GPC5: variants seen among roughly 807,000 people sequenced by gnomAD.
The protein encoded by GPC5 is glypican 5.
GPC5 carries 47 observed loss-of-function variants against 53.9 expected under a neutral mutation model. That is an observed-to-expected ratio of 0.87 (90% CI 0.69 to 1.11). The LOEUF (loss-of-function observed/expected upper bound fraction) is 1.11, where lower values mean the gene tolerates loss of function less well. Among genes scored for constraint, GPC5 ranks in the 50% most tolerant of loss-of-function variants. GPC5 has a pLI of 0.00. For missense variants in GPC5, 748 were observed against 713.1 expected (o/e 1.05, Z -0.56); for synonymous variants, 286 against 263.3 (o/e 1.09, Z -0.84).
intron 5 of GPC5, among the ~76,000 whole-genome samples, chr13:91,757,886 CA>C (rs933778439): frequency 7.2e-5 from 11 of 152,116 alleles, no homozygotes; most frequent in Non-Finnish European, 1.5e-4. Flanking sequence ...CTATGATAAA[CA>C]TATACTATAA....
intron 6 of GPC5, among the ~76,000 whole-genome samples, chr13:92,102,735 T>C (rs746764751): frequency 3.3e-5 from 5 of 152,184 alleles, no homozygotes; most frequent in East Asian, 1.9e-4. Flanking sequence ...ACTGTATATA[T>C]GTAGATGTTA....
At chr13:92,853,286 CAGAG>C (rs937157206) in intron 7 of GPC5, among the ~76,000 whole-genome samples, 8 of 152,026 alleles carry the variant, frequency 5.3e-5, no homozygotes, top group South Asian at 2.1e-4. Context: ...GAGGTATTTT[CAGAG>C]AGAGAGAGTC....
At position 92,216,080 on chromosome 13, in the gene GPC5, CA is replaced by C. The variant is rs774771259; in HGVS notation, c.1561+71092del. Among the ~76,000 whole-genome samples, 21 of 152,238 alleles carry C rather than the reference CA, an allele frequency of 1.4e-4. 1 individual carries two copies. The Middle Eastern group carries it at 0.014, about 99-fold the overall frequency. On this transcript the variant is annotated intron_variant, in intron 7 of 7. Transcript: ENST00000377067. ...CCTAAGGCAGTTTTAAGCTAAAGGA[CA>C]GAAAAACATCATTCCTGAGATACAG...
At chr13:92,449,111 C>G (rs1455671582) in intron 7 of GPC5, 1 of 151,780 alleles carries the variant, frequency 6.6e-6, no homozygotes, top group Non-Finnish European at 1.5e-5. Context: ...GGAAATCCTC[C>G]TAAGGTTTTC....
chr13:92,001,097 C>A (rs563581881), intron 6 of GPC5, among the ~76,000 whole-genome samples: 1 of 152,258 alleles, frequency 6.6e-6, no homozygotes, highest in East Asian at 1.9e-4. Flanking sequence ...TCATGTTCAG[C>A]ATTGTGGTTC....
intron 6 of GPC5, among the ~76,000 whole-genome samples, chr13:91,949,029 A>T (rs964230875): frequency 2.0e-5 from 3 of 152,174 alleles, no homozygotes; most frequent in African/African-American, 7.2e-5. Context: ...ACAGATGATT[A>T]CCAGGTAGTC....
At chr13:91,477,343 G>A (rs1431685799) in intron 2 of GPC5, among the ~76,000 whole-genome samples, 1 of 152,074 alleles carries the variant, frequency 6.6e-6, no homozygotes, top group East Asian at 1.9e-4. Flanking sequence ...GTTTTCAGCG[G>A]TATTACTGGG....
At chr13:92,288,731 CA>C (rs1284007773) in intron 7 of GPC5, among the ~76,000 whole-genome samples, 1 of 152,056 alleles carries the variant, frequency 6.6e-6, no homozygotes, top group Non-Finnish European at 1.5e-5. Flanking sequence ...ACCATTCTGC[CA>C]AAACACTTTT....
chr13:92,643,573 T>C (rs1217403429), intron 7 of GPC5, among the ~76,000 whole-genome samples: 1 of 142,278 alleles, frequency 7.0e-6, no homozygotes, highest in Non-Finnish European at 1.5e-5. Flanking sequence ...TCATGTCCTT[T>C]GTAGGGACAT....
At chr13:91,824,532 T>C (rs2038546038) in intron 5 of GPC5, among the ~76,000 whole-genome samples, 1 of 152,140 alleles carries the variant, frequency 6.6e-6, no homozygotes, top group East Asian at 1.9e-4. Flanking sequence ...TGGTTTATGA[T>C]TTTGGATAAG....
At chr13:92,069,974 T>A (rs2041197639) in intron 6 of GPC5, among the ~76,000 whole-genome samples, 1 of 152,164 alleles carries the variant, frequency 6.6e-6, no homozygotes, top group Admixed American at 6.5e-5. Flanking sequence ...GTTGGAATCA[T>A]GAATCATATT....
intron 7 of GPC5, among the ~76,000 whole-genome samples, chr13:92,575,411 G>A (rs997064017): frequency 1.3e-5 from 2 of 152,132 alleles, no homozygotes; most frequent in Non-Finnish European, 2.9e-5. Flanking sequence ...GAGTTATGCA[G>A]CCACAAGCGA....
intron 2 of GPC5, among the ~76,000 whole-genome samples, chr13:91,633,389 C>T (rs1161154455): frequency 6.6e-6 from 1 of 152,034 alleles, no homozygotes; most frequent in Non-Finnish European, 1.5e-5. Flanking sequence ...TCTAGGAATG[C>T]CATTTTTCCT....
At chr13:92,062,476 T>C (rs1022374356) in intron 6 of GPC5, among the ~76,000 whole-genome samples, 2 of 152,020 alleles carry the variant, frequency 1.3e-5, no homozygotes, top group Non-Finnish European at 2.9e-5. Flanking sequence ...TCATCTTTTA[T>C]GTAGTAACAA....
chr13:92,052,329 G>T (rs1285705561), intron 6 of GPC5, among the ~76,000 whole-genome samples: 1 of 152,198 alleles, frequency 6.6e-6, no homozygotes, highest in Non-Finnish European at 1.5e-5. Flanking sequence ...GACCTTCGCA[G>T]TGAGTGTTAC....
intron 6 of GPC5, among the ~76,000 whole-genome samples, chr13:92,100,344 G>A (rs1201321001): frequency 8.5e-5 from 13 of 152,100 alleles, no homozygotes; most frequent in South Asian, 6.2e-4. Context: ...AGAGGTTGCC[G>A]TGAGCCGAGA....
intron 5 of GPC5, among the ~76,000 whole-genome samples, chr13:91,857,405 T>C (rs1388478526): frequency 6.6e-6 from 1 of 151,534 alleles, no homozygotes. Flanking sequence ...AAATGTTTAG[T>C]AGTTTTCAGG....
At chr13:91,503,611 C>T (rs912708419) in intron 2 of GPC5, among the ~76,000 whole-genome samples, 5 of 151,378 alleles carry the variant, frequency 3.3e-5, no homozygotes, top group African/African-American at 1.2e-4. Context: ...GAAACCCTGT[C>T]TCTATTAATA....
intron 7 of GPC5, among the ~76,000 whole-genome samples, chr13:92,147,624 G>A (rs984113801): frequency 6.6e-6 from 1 of 151,942 alleles, no homozygotes; most frequent in African/African-American, 2.4e-5. Flanking sequence ...TTCAATTACT[G>A]CTGAAATGGA....
Sources: gnomAD v4.1 joint callset for allele counts (sites outside exome capture counted in the v4.1 genomes callset) on GRCh38, gnomAD v4.1.1 for gene constraint, MANE v1.5 for transcripts, NCBI Gene and HGNC (gene_info 2026-07-23, HGNC 2026-07-21) for gene names.